HM13: variants seen among roughly 807,000 people sequenced by gnomAD.
HM13 encodes histocompatibility minor 13.
In HM13, 18 loss-of-function variants were observed where a neutral mutation model predicts 50.0. The ratio of observed to expected loss-of-function variants is 0.36; its 90% CI spans 0.25 to 0.53. The LOEUF (loss-of-function observed/expected upper bound fraction) is 0.53, where lower values mean the gene tolerates loss of function less well. HM13 is among the 20% of genes least tolerant of loss of function. The probability of loss-of-function intolerance (pLI) is 0.90; values close to 1 mark genes in which losing one functional copy is unlikely to be tolerated. For missense variants in HM13, 393 were observed against 552.4 expected (o/e 0.71, Z 2.89); for synonymous variants, 197 against 232.6 (o/e 0.85, Z 1.39).
At chr20:31,561,538 A>C in intron 9 of HM13, 96 bp from the exon 10 acceptor site, 1 of 843,882 alleles carries the variant, frequency 1.2e-6, no homozygotes, top group Non-Finnish European at 2.0e-6. Context: ...ACCCCCCCAC[A>C]ACCTCTAGGG....
intron 2 of HM13, chr20:31,527,828 T>C (rs200458946): frequency 6.5e-6 from 3 of 460,860 alleles, no homozygotes; most frequent in Non-Finnish European, 1.1e-5. Context: ...CAGTTTGGTT[T>C]CATTGTACTG....
chr20:31,544,881 G>A (rs1983624282), intron 3 of HM13, 66 bp from the exon 4 acceptor site: 1 of 1,256,190 alleles, frequency 8.0e-7, no homozygotes, highest in East Asian at 2.3e-5. Context: ...AAATGGGGCA[G>A]GGGTGTGTTA....
At chr20:31,533,877 G>A (rs1352172805) in intron 2 of HM13, among the ~76,000 whole-genome samples, 3 of 152,062 alleles carry the variant, frequency 2.0e-5, no homozygotes, top group African/African-American at 7.2e-5. Flanking sequence ...CCCTTGTGAG[G>A]TTTTTTTGTC....
Position 31,514,495 on chromosome 20 carries a change from C to T in HM13, c.-57C>T. The T allele has an allele frequency of 6.5e-7, 1 of 1,549,538 alleles. No homozygotes were observed. The highest frequency in any genetic ancestry group is 8.7e-7 in the Non-Finnish European group (1 of 1,144,062). ...TTTCCCTGCAGAGCCGGTGTCTCCG[C>T]CTGCGTCCCTGCTGCAGCAACCGGA... On this transcript the variant is annotated 5_prime_UTR_variant, in exon 1 of 13. Coordinates refer to ENST00000398174, the MANE Select transcript of HM13 (RefSeq NM_178581.3). The surrounding 1 kb of genome is among the most constrained non-coding windows in gnomAD (Gnocchi z 4.3).
At chr20:31,542,176 G>A (rs1192915014) in intron 3 of HM13, among the ~76,000 whole-genome samples, 1 of 152,188 alleles carries the variant, frequency 6.6e-6, no homozygotes, top group Non-Finnish European at 1.5e-5. Flanking sequence ...AAGCCTCTTT[G>A]GAACAAACCC....
chr20:31,531,900 A>C (rs150699853), intron 2 of HM13, among the ~76,000 whole-genome samples: 6 of 152,272 alleles, frequency 3.9e-5, no homozygotes, highest in African/African-American at 1.4e-4. Context: ...GTTCAAGGCT[A>C]TGGTGAGCTA....
rs763052838 is a variant in HM13 at position 31,568,059 on chromosome 20, TTC to T, written c.1035-8_1035-7del. ...CTATCCATCTCTTTTTTTCTGTCTC[TTC>T]TCTCTCTCTCACACAGCTACGAGTC... On this transcript the variant is annotated splice_polypyrimidine_tract_variant and intron_variant, in intron 11 of 12. Transcript: ENST00000398174. The T allele has an allele frequency of 9.3e-5, 146 of 1,573,708 alleles. No homozygotes were observed. The Middle Eastern group carries it at 1.3e-3, about 14-fold the overall frequency.
chr20:31,549,451 C>A, intron 6 of HM13, 119 bp downstream of exon 6: 1 of 1,312,368 alleles, frequency 7.6e-7, no homozygotes, highest in Non-Finnish European at 1.1e-6. Context: ...GGCTGAAGTT[C>A]CGGACCGCAG....
intron 12 of HM13, 88 bp downstream of exon 12, chr20:31,568,312 G>C: frequency 6.7e-7 from 1 of 1,499,362 alleles, no homozygotes; most frequent in South Asian, 1.3e-5. Context: ...CAGTGCATAG[G>C]GCAGGGACCA....
Position 31,523,483 on chromosome 20 carries a change from G to A in HM13, c.184-4001G>A, listed in dbSNP as rs1335595113. On this transcript the variant is annotated intron_variant, in intron 1 of 12. Coordinates refer to ENST00000398174, the MANE Select transcript of HM13 (RefSeq NM_178581.3). ...TCACCATGTTGGCCAGGCTGATCTC[G>A]AAATCCTGACCTCAGGTGATCCGCC... Among the ~76,000 whole-genome samples the A allele has an allele frequency of 5.9e-5, 9 of 152,174 alleles. No homozygotes were observed. The South Asian group carries it at 6.2e-4, about 11-fold the overall frequency.
intron 11 of HM13, chr20:31,567,807 G>A (rs775789394): frequency 1.0e-5 from 4 of 397,106 alleles, no homozygotes; most frequent in Non-Finnish European, 1.8e-5. Context: ...GGTTTCTACG[G>A]TATTTCTTAG....
intron 11 of HM13, 198 bp from the exon 12 acceptor site, chr20:31,567,880 A>T (rs1022680413): frequency 1.8e-6 from 1 of 563,484 alleles, no homozygotes; most frequent in Non-Finnish European, 3.1e-6. Flanking sequence ...CAGTGGCCTG[A>T]TGTGCCTTTG....
In HM13 at chr20:31,514,835, C is replaced by T; in HGVS notation, c.183+101C>T. On this transcript the variant is annotated intron_variant, in intron 1 of 12. Coordinates refer to ENST00000398174, the MANE Select transcript of HM13 (RefSeq NM_178581.3). The surrounding 1 kb of genome is among the most constrained non-coding windows in gnomAD (Gnocchi z 4.3). ...ACAGACACCTCTCCCCGGACACTGA[C>T]TCTTCCCAGCCCTGATCACCACCGT... is the stretch of plus-strand genomic sequence containing the variant. 1 of 1,140,284 alleles carries T rather than the reference C, an allele frequency of 8.8e-7. No homozygotes were observed. The highest frequency in any genetic ancestry group is 1.2e-6 in the Non-Finnish European group (1 of 829,068). 70.6% of individuals were successfully genotyped at this position (1,140,284 alleles called of 1,614,324 possible).
intron 4 of HM13, 107 bp downstream of exon 4, chr20:31,545,142 G>A: frequency 2.3e-6 from 2 of 858,256 alleles, no homozygotes; most frequent in Non-Finnish European, 3.8e-6. Flanking sequence ...TGATGAAGTG[G>A]GCTCTGGAAT....
chr20:31,531,901 T>C (rs565955662), intron 2 of HM13, among the ~76,000 whole-genome samples: 2 of 152,268 alleles, frequency 1.3e-5, no homozygotes, highest in East Asian at 3.9e-4. Flanking sequence ...TTCAAGGCTA[T>C]GGTGAGCTAT....
Position 31,538,208 on chromosome 20 carries a change from G to A in HM13, c.312G>A (p.Leu104=), listed in dbSNP as rs759814710. The A allele has an allele frequency of 1.2e-5, 19 of 1,613,910 alleles. No homozygotes were observed. Among genetic ancestry groups the A allele is most frequent in the Non-Finnish European group, 1.6e-5 (19 of 1,179,836 alleles). The change falls in exon 3 of 13, where the codon CTG becomes CTA. Residue 104 remains leucine, a synonymous_variant. Coordinates refer to ENST00000398174, the MANE Select transcript of HM13 (RefSeq NM_178581.3). ...KIFSQEYINL[L]LSMYFFVLGI... ...TCTCCCAGGAGTACATCAACCTCCT[G>A]CTGTCCATGTATTTCTTCGTGCTGG...
At chr20:31,553,215 G>A (rs1369796227) in intron 7 of HM13, among the ~76,000 whole-genome samples, 3 of 146,670 alleles carry the variant, frequency 2.0e-5, no homozygotes, top group African/African-American at 7.5e-5. Flanking sequence ...AGAATCACTT[G>A]AACCCGGGAG....
rs115178421 is a variant in HM13 at position 31,568,339 on chromosome 20, G to A, written c.1181+115G>A. 2.8e-4 allele frequency: 374 copies of A among 1,358,018 alleles called. No homozygotes were observed. In the African/African-American group the frequency reaches 4.9e-3, roughly 18 times the overall value. The allele number at this position is 1,358,018 out of a possible 1,614,324, so 84.1% of individuals were successfully genotyped here. A position where few individuals can be genotyped will look rare whatever the true frequency, so the allele number is the denominator to read the frequency against. Reference sequence around the variant, plus strand: ...CAGGGACCATTGCCAGGAGTAGGCCGCAAGAGCAGCTCCTCCACAACCACC... The same window carrying A: ...CAGGGACCATTGCCAGGAGTAGGCCACAAGAGCAGCTCCTCCACAACCACC... On this transcript the variant is annotated intron_variant, in intron 12 of 12. Transcript: ENST00000398174.
rs1263972170 is a variant in HM13 at position 31,554,773 on chromosome 20, A to G, written c.752A>G (p.Lys251Arg). 9 of 1,614,052 alleles carry G rather than the reference A, an allele frequency of 5.6e-6. No homozygotes were observed. Among genetic ancestry groups the G allele is most frequent in the Non-Finnish European group, 7.6e-6 (9 of 1,180,020 alleles). The change falls in exon 8 of 13, where the codon AAA (lysine) becomes AGA (arginine). Residue 251 changes from lysine (K) to arginine (R), a missense_variant. This residue lies in a region of HM13 where 74 missense variants were observed against 160.4 expected (regional missense o/e 0.46). Transcript: ENST00000398174. Reference sequence around the variant, plus strand: ...GTGTTTCCCCAGGATCTGCTGGAGAAAGGCCTCGAAGCAAACAACTTTGCC... The same window carrying G: ...GTGTTTCCCCAGGATCTGCTGGAGAGAGGCCTCGAAGCAAACAACTTTGCC... ...KLVFPQDLLEKGLEANNFAML... is the reference protein window; with the variant it reads ...KLVFPQDLLERGLEANNFAML...
Sources: allele counts gnomAD v4.1 joint callset (sites outside exome capture counted in the v4.1 genomes callset), GRCh38; gene constraint gnomAD v4.1.1; regional missense constraint gnomAD v4.1.1; non-coding constraint Gnocchi (gnomAD v3.1); transcripts MANE v1.5; gene names NCBI Gene and HGNC (gene_info 2026-07-23, HGNC 2026-07-21).